NFIB: variants seen among roughly 807,000 people sequenced by gnomAD.
The protein encoded by NFIB is nuclear factor I B.
Under a neutral mutation model 61.5 loss-of-function variants are expected in NFIB, and 11 were observed. That is an observed-to-expected ratio of 0.18 (90% CI 0.11 to 0.30). The LOEUF (loss-of-function observed/expected upper bound fraction) is 0.30, where lower values mean the gene tolerates loss of function less well. Ranked by LOEUF, NFIB falls within the 10% of genes least tolerant of loss-of-function variation. The pLI, the probability that NFIB is intolerant of heterozygous loss-of-function variation, is 1.00. For missense variants in NFIB, 471 were observed against 608.9 expected (o/e 0.77, Z 2.38); for synonymous variants, 260 against 216.5 (o/e 1.20, Z -1.76).
Position 14,165,077 on chromosome 9 carries a change from T to G in NFIB, c.617-9184A>C, listed in dbSNP as rs535522808. Among the ~76,000 whole-genome samples, 5 of 152,238 alleles carry G rather than the reference T, an allele frequency of 3.3e-5. No individual in the cohort carries two copies. The South Asian group carries it at 1.0e-3, about 32-fold the overall frequency. ...ATGAGATCTGCAGGTGATTCATAAGTGTACTTAAAAATTTGACAATCCTAG... is the reference window on the plus strand; with the variant it reads ...ATGAGATCTGCAGGTGATTCATAAGGGTACTTAAAAATTTGACAATCCTAG... On this transcript the variant is annotated intron_variant, in intron 3 of 10. Transcript: ENST00000380953.
intron 8 of NFIB, among the ~76,000 whole-genome samples, chr9:14,116,736 C>T (rs1224835956): frequency 6.6e-6 from 1 of 152,224 alleles, no homozygotes; most frequent in African/African-American, 2.4e-5. Flanking sequence ...ATTCTCTGCT[C>T]TTCATTTTCT....
chr9:14,307,604 A>T lies in NFIB; in HGVS notation c.31-84T>A. The T allele has an allele frequency of 7.6e-7, 1 of 1,308,800 alleles. No homozygotes were observed. Among genetic ancestry groups the T allele is most frequent in the Non-Finnish European group, 1.0e-6 (1 of 978,556 alleles). The allele number at this position is 1,308,800 out of a possible 1,614,324, so 81.1% of individuals were successfully genotyped here. A position where few individuals can be genotyped will look rare whatever the true frequency, so the allele number is the denominator to read the frequency against. ...CAAAAAATAAGAAAAGAAGACCACA[A>T]CCCGTTTCCAATTCAGTACAAAAAG... On this transcript the variant is annotated intron_variant, in intron 1 of 10. Coordinates refer to ENST00000380953, the MANE Select transcript of NFIB (RefSeq NM_001190737.2). The surrounding 1 kb of genome is among the most constrained non-coding windows in gnomAD (Gnocchi z 5.3).
At chr9:14,239,677 A>G (rs533620149) in intron 2 of NFIB, among the ~76,000 whole-genome samples, 11 of 152,350 alleles carry the variant, frequency 7.2e-5, no homozygotes, top group Admixed American at 4.6e-4. Flanking sequence ...CATGTGATCA[A>G]TGAGGCATAA....
At chr9:14,414,780 G>A in the NFIB span, among the ~76,000 whole-genome samples, 685 of 152,056 alleles carry the variant, frequency 4.5e-3, 7 homozygotes, top group African/African-American at 0.015. Context: ...CTTAAGCATG[G>A]TCCAAAATAT....
intron 6 of NFIB, 59 bp from the exon 7 acceptor site, chr9:14,125,825 G>C (rs2039573834): frequency 1.3e-6 from 2 of 1,579,778 alleles, no homozygotes; most frequent in Admixed American, 1.9e-5. Context: ...TAAGGTTCAT[G>C]TCAACAAATG....
At position 14,165,341 on chromosome 9, in the gene NFIB, T is replaced by G. The variant is rs531956566; in HGVS notation, c.617-9448A>C. Among the ~76,000 whole-genome samples the G allele has an allele frequency of 2.2e-4, 34 of 152,164 alleles. No individual in the cohort carries two copies. In the South Asian group the frequency reaches 6.6e-3, roughly 30 times the overall value. On this transcript the variant is annotated intron_variant, in intron 3 of 10. Transcript: ENST00000380953. ...AGCCTCTCTCATCGAAACAAAACAA[T>G]GAACCAACCAATGAAAGATCAAGCA...
chr9:14,106,743 T>A (rs2036612188), intron 10 of NFIB, among the ~76,000 whole-genome samples: 1 of 152,130 alleles, frequency 6.6e-6, no homozygotes, highest in Non-Finnish European at 1.5e-5. Flanking sequence ...ACTAATAGTT[T>A]GTTTATTCAA....
chr9:14,244,926 C>A (rs1441824624), intron 2 of NFIB, among the ~76,000 whole-genome samples: 2 of 152,280 alleles, frequency 1.3e-5, no homozygotes. Context: ...GATTCCATGA[C>A]ATTGGGGTGT....
At chr9:14,131,557 C>G (rs150979978) in intron 6 of NFIB, among the ~76,000 whole-genome samples, 22 of 152,310 alleles carry the variant, frequency 1.4e-4, no homozygotes, top group Admixed American at 2.6e-4. Context: ...GCAGCTTGCA[C>G]AAATTGCGCT....
chr9:14,130,226 C>A (rs1214383581), intron 6 of NFIB, among the ~76,000 whole-genome samples: 5 of 151,902 alleles, frequency 3.3e-5, no homozygotes, highest in African/African-American at 1.2e-4. Flanking sequence ...ATTGCAAGAT[C>A]TACCACAGTA....
the NFIB span, among the ~76,000 whole-genome samples, chr9:14,485,897 A>G: frequency 6.6e-6 from 1 of 151,582 alleles, no homozygotes; most frequent in Non-Finnish European, 1.5e-5. Context: ...CAAAAAAACA[A>G]AAAACAACCC....
the NFIB span, among the ~76,000 whole-genome samples, chr9:14,417,296 T>G: frequency 7.2e-5 from 11 of 152,226 alleles, no homozygotes; most frequent in African/African-American, 2.7e-4. Flanking sequence ...GTATTCAGTA[T>G]GGTAACATGT....
At chr9:14,389,131 C>T (rs2061590252) in intron 1 of NFIB, among the ~76,000 whole-genome samples, 1 of 152,158 alleles carries the variant, frequency 6.6e-6, no homozygotes, top group African/African-American at 2.4e-5. Flanking sequence ...ATTTTAATTG[C>T]AGTTTCCTCA....
intron 2 of NFIB, among the ~76,000 whole-genome samples, chr9:14,218,798 C>T (rs916088030): frequency 5.9e-5 from 9 of 152,184 alleles, no homozygotes; most frequent in African/African-American, 2.2e-4. Flanking sequence ...TTTCTATTAA[C>T]TTTTAGCCTT....
chr9:14,108,423 G>A (rs2036877674), intron 10 of NFIB, among the ~76,000 whole-genome samples: 1 of 152,034 alleles, frequency 6.6e-6, no homozygotes, highest in African/African-American at 2.4e-5. Context: ...TCCTACAGAA[G>A]TAATTTCTTA....
the NFIB span, among the ~76,000 whole-genome samples, chr9:14,509,364 A>G: frequency 1.3e-5 from 2 of 152,226 alleles, no homozygotes; most frequent in Non-Finnish European, 2.9e-5. Context: ...TAATATGGCA[A>G]AATTAGTTCC....
intron 2 of NFIB, among the ~76,000 whole-genome samples, chr9:14,216,528 CTCTCTCTCTCTCTCCCTCTG>C (rs2050909314): frequency 4.9e-4 from 44 of 89,654 alleles, no homozygotes; most frequent in African/African-American, 1.4e-3. Flanking sequence ...CTCTCTCTCT[CTCTCTCTCTCTCTCCCTCTG>C]TGTGTGTGTG....
At chr9:14,328,031 G>A (rs1276199410) in intron 1 of NFIB, among the ~76,000 whole-genome samples, 1 of 152,182 alleles carries the variant, frequency 6.6e-6, no homozygotes, top group Admixed American at 6.5e-5. Context: ...TTTTGTTCGA[G>A]GATGATTGAC....
At chr9:14,200,821 G>GT (rs2048959087) in intron 2 of NFIB, among the ~76,000 whole-genome samples, 1 of 152,046 alleles carries the variant, frequency 6.6e-6, no homozygotes, top group South Asian at 2.1e-4. Context: ...AATACTACCC[G>GT]TTTTTTGAGA....
Sources: gnomAD v4.1 joint callset for allele counts (sites outside exome capture counted in the v4.1 genomes callset) on GRCh38, gnomAD v4.1.1 for gene constraint, Gnocchi (gnomAD v3.1) non-coding constraint, MANE v1.5 for transcripts, NCBI Gene and HGNC (gene_info 2026-07-23, HGNC 2026-07-21) for gene names.